The following CCDC174 variants were observed in gnomAD, a reference collection of about 807,000 sequenced individuals.
The protein encoded by CCDC174 is coiled-coil domain containing 174, also known as coiled-coil domain-containing protein 174.
Under a neutral mutation model 57.1 loss-of-function variants are expected in CCDC174, and 37 were observed. That is an observed-to-expected ratio of 0.65 (90% CI 0.50 to 0.85). The LOEUF (loss-of-function observed/expected upper bound fraction) is 0.85. CCDC174 is among the 40% of genes least tolerant of loss of function. The pLI, the probability that CCDC174 is intolerant of heterozygous loss-of-function variation, is 0.00. For synonymous variants in CCDC174, 182 were observed against 190.2 expected, an observed-to-expected ratio of 0.96 and a Z score of 0.35; for missense variants, 540 against 574.3, an observed-to-expected ratio of 0.94 and a Z score of 0.61.
Position 14,670,943 on chromosome 3 carries a change from G to C in CCDC174, c.1153G>C (p.Glu385Gln), listed in dbSNP as rs1232312134. Residue 385 changes from glutamate (E) to glutamine (Q), a missense_variant, in exon 11 of 11, where the codon GAG becomes CAG. Glu to Gln is a conservative substitution (Grantham distance 29). Coordinates refer to ENST00000383794, the MANE Select transcript of CCDC174 (RefSeq NM_016474.5). ...GAAGAGGCAGTCAGATCTCCGGGCT[G>C]AGAGAGATCCTGAGTTTGCCCCGCC... The part of the protein sequence containing the change: ...WSKRQSDLRA[E>Q]RDPEFAPPSD... 1.2e-6 allele frequency: 2 copies of C among 1,614,088 alleles called. No homozygotes were observed. Among genetic ancestry groups the C allele is most frequent in the South Asian group, 2.2e-5 (2 of 91,084 alleles).
At chr3:14,651,906 G>T in intron 1 of CCDC174, 28 bp downstream of exon 1, 1 of 1,610,576 alleles carries the variant, frequency 6.2e-7, no homozygotes, top group Non-Finnish European at 8.5e-7. Flanking sequence ...GTAACTCCAC[G>T]GGCTCCGGGT....
chr3:14,665,146 G>A (rs2031273686), intron 6 of CCDC174, 23 bp downstream of exon 6: 1 of 1,534,604 alleles, frequency 6.5e-7, no homozygotes, highest in Non-Finnish European at 9.0e-7. Context: ...GGTATACAGA[G>A]CTCTGCCAAG....
intron 1 of CCDC174, 148 bp from the exon 2 acceptor site, chr3:14,654,278 A>G: frequency 1.6e-6 from 1 of 614,204 alleles, no homozygotes; most frequent in South Asian, 1.9e-5. Flanking sequence ...TCTACATTTA[A>G]ACATTTAGTT....
At chr3:14,659,681 C>CA (rs909855963) in intron 4 of CCDC174, among the ~76,000 whole-genome samples, 2 of 151,838 alleles carry the variant, frequency 1.3e-5, no homozygotes, top group Admixed American at 1.3e-4. Flanking sequence ...GCCTGGGTGA[C>CA]AGAGTGTGAC....
intron 10 of CCDC174, among the ~76,000 whole-genome samples, chr3:14,670,418 A>G (rs949497325): frequency 5.3e-5 from 8 of 152,194 alleles, no homozygotes; most frequent in Non-Finnish European, 1.0e-4. Flanking sequence ...CTGGAAGACT[A>G]TGGTTTATGC....
Position 14,661,715 on chromosome 3 carries a change from A to G in CCDC174, c.485+8A>G, listed in dbSNP as rs2031145788. 1 of 1,607,466 alleles carries G rather than the reference A, an allele frequency of 6.2e-7. No homozygotes were observed. The highest frequency in any genetic ancestry group is 8.5e-7 in the Non-Finnish European group (1 of 1,177,482). On this transcript the variant is annotated splice_region_variant and intron_variant, in intron 5 of 10. Coordinates refer to ENST00000383794, the MANE Select transcript of CCDC174 (RefSeq NM_016474.5). ...AGACCCCAGTGAAGAATGGTTGGTA[A>G]CATCATGGATTAGCTCAGAGGAACA...
chr3:14,666,935 A>T lies in CCDC174; in HGVS notation c.712A>T (p.Ile238Phe). 4 of 1,576,662 alleles carry T rather than the reference A, an allele frequency of 2.5e-6. No individual in the cohort carries two copies. Among genetic ancestry groups the T allele is most frequent in the Admixed American group, 2.1e-5 (1 of 48,170 alleles). Residue 238 changes from isoleucine to phenylalanine, a missense_variant, in exon 7 of 11, where the codon ATT (isoleucine) becomes TTT (phenylalanine). Ile to Phe is a conservative substitution (Grantham distance 21). Transcript: ENST00000383794. The part of the protein sequence containing the change: ...RPMGPVHYED[I>F]RENEARQLGV... Reference sequence around the variant, plus strand: ...CATGGGGCCCGTACATTATGAAGACATTCGGGAAAATGGTATGACTATTTT... The same window carrying T: ...CATGGGGCCCGTACATTATGAAGACTTTCGGGAAAATGGTATGACTATTTT...
At chr3:14,653,399 G>A (rs543112789) in intron 1 of CCDC174, among the ~76,000 whole-genome samples, 37 of 152,188 alleles carry the variant, frequency 2.4e-4, no homozygotes, top group Non-Finnish European at 4.6e-4. Flanking sequence ...CAGTGAAACT[G>A]CCCTTTGCAT....
At chr3:14,662,000 A>G in intron 5 of CCDC174, 1 of 279,260 alleles carries the variant, frequency 3.6e-6, no homozygotes. Flanking sequence ...TGCCTGGCAG[A>G]CTTGGCTTGC....
intron 7 of CCDC174, 57 bp from the exon 8 acceptor site, chr3:14,667,367 A>G (rs2031375896): frequency 7.8e-7 from 1 of 1,281,350 alleles, no homozygotes; most frequent in African/African-American, 1.5e-5. Context: ...ATGTGGCTTG[A>G]GTGTAGTTGA....
intron 4 of CCDC174, 77 bp from the exon 5 acceptor site, chr3:14,661,453 A>G: frequency 7.8e-6 from 10 of 1,280,000 alleles, no homozygotes; most frequent in East Asian, 2.3e-5. Flanking sequence ...CCACCAGGCA[A>G]TGAATGTGAC....
At position 14,655,555 on chromosome 3, in the gene CCDC174, T is replaced by C. The variant is rs750958713; in HGVS notation, c.174T>C (p.Asn58=). 7 of 1,610,902 alleles carry C rather than the reference T, an allele frequency of 4.3e-6. No individual in the cohort carries two copies. In the Admixed American group the frequency reaches 5.0e-5, roughly 12 times the overall value. Residue 58 remains asparagine (N), a synonymous_variant, in exon 3 of 11, where the codon AAT becomes AAC. Transcript: ENST00000383794. The stretch of plus-strand genomic sequence containing the variant: ...AACCAAGTATCTGGAGCAAACAGAA[T>C]GTAGGCGTTTCAAATCGAGCTGAGA... ...NKKPSIWSKQ[N]VGVSNRAEKD... is the part of the protein sequence containing the mutation.
chr3:14,660,660 G>A (rs1435996300), intron 4 of CCDC174, among the ~76,000 whole-genome samples: 1 of 152,202 alleles, frequency 6.6e-6, no homozygotes, highest in East Asian at 1.9e-4. Context: ...AGATATGTCA[G>A]ACCTGCAAGT....
At chr3:14,664,216 A>G (rs1215243592) in intron 5 of CCDC174, among the ~76,000 whole-genome samples, 1 of 152,238 alleles carries the variant, frequency 6.6e-6, no homozygotes, top group Non-Finnish European at 1.5e-5. Flanking sequence ...GCAAAGCCAC[A>G]TACCTGCCAA....
At chr3:14,663,661 A>G (rs528929531) in intron 5 of CCDC174, among the ~76,000 whole-genome samples, 1 of 152,304 alleles carries the variant, frequency 6.6e-6, no homozygotes, top group African/African-American at 2.4e-5. Context: ...CTTCTATTTA[A>G]TGAGATCTGT....
At chr3:14,657,962 A>C (rs1337967021) in intron 3 of CCDC174, among the ~76,000 whole-genome samples, 2 of 152,222 alleles carry the variant, frequency 1.3e-5, no homozygotes, top group African/African-American at 2.4e-5. Flanking sequence ...TCATTAAAAC[A>C]GTAAGATCCT....
intron 10 of CCDC174, 27 bp from the exon 11 acceptor site, chr3:14,670,869 A>G: frequency 1.9e-6 from 3 of 1,551,282 alleles, no homozygotes; most frequent in South Asian, 1.2e-5. Flanking sequence ...AATCAGTTCT[A>G]ATAACTTTCT....
At position 14,662,356 on chromosome 3, in the gene CCDC174, AGT is replaced by A. The variant is rs1320086370; in HGVS notation, c.485+652_485+653del. ...CCCCCCCGCCCCCCTTCAAGAAGTA[AGT>A]GTTCCAGGCTACACAAGAAAGTGCA... On this transcript the variant is annotated intron_variant, in intron 5 of 10. Coordinates refer to ENST00000383794, the MANE Select transcript of CCDC174 (RefSeq NM_016474.5). 2.4e-5 allele frequency among the ~76,000 whole-genome samples: 3 copies of A among 125,854 alleles called. No individual in the cohort carries two copies. In the East Asian group the frequency reaches 7.3e-4, roughly 31 times the overall value. 82.6% of individuals were successfully genotyped at this position (125,854 alleles called of 152,430 possible).
chr3:14,667,420 T>C lies in CCDC174; in HGVS notation c.725-4T>C. 6.2e-7 allele frequency: 1 copy of C among 1,613,354 alleles called. No homozygotes were observed. The highest frequency in any genetic ancestry group is 1.3e-5 in the African/African-American group (1 of 74,984). ...ATCTTTTGGGTAATTCATACTTCTT[T>C]CAGAGGCCCGGCAACTTGGTGTTGG... On this transcript the variant is annotated splice_region_variant and splice_polypyrimidine_tract_variant and intron_variant, in intron 7 of 10. Transcript: ENST00000383794.
Sources: allele counts gnomAD v4.1 joint callset (sites outside exome capture counted in the v4.1 genomes callset), GRCh38; gene constraint gnomAD v4.1.1; transcripts MANE v1.5; gene names NCBI Gene and HGNC (gene_info 2026-07-23, HGNC 2026-07-21).